The following TBC1D9B variants were observed in gnomAD, a reference collection of about 807,000 sequenced individuals.
TBC1D9B encodes the protein TBC1 domain family, member 9B (with GRAM domain).
A neutral mutation model predicts 121.1 loss-of-function variants in TBC1D9B; 87 were observed. The observed-to-expected ratio is 0.72, with a 90% CI of 0.60 to 0.86. The LOEUF is 0.86. Ranked by LOEUF, TBC1D9B falls within the 40% of genes least tolerant of loss-of-function variation. The probability of loss-of-function intolerance (pLI) is 0.00; values close to 1 mark genes in which losing one functional copy is unlikely to be tolerated. For missense variants in TBC1D9B, 1,540 were observed against 1,628.6 expected (o/e 0.95, Z 0.94); for synonymous variants, 668 against 670.1 (o/e 1.00, Z 0.05).
intron 17 of TBC1D9B, 98 bp from the exon 18 acceptor site, chr5:179,867,947 G>A: frequency 1.6e-6 from 2 of 1,228,118 alleles, no homozygotes; most frequent in Non-Finnish European, 2.2e-6. Flanking sequence ...TGCTTTCCCT[G>A]CCCACGAGCC....
chr5:179,865,124 C>A lies in TBC1D9B; in HGVS notation c.3021+130G>T. On this transcript the variant is annotated intron_variant, in intron 20 of 20. Coordinates refer to ENST00000355235, the MANE Select transcript of TBC1D9B (RefSeq NM_015043.4). The surrounding 1 kb of genome is among the most constrained non-coding windows in gnomAD (Gnocchi z 5.1). ...ATCGCTGACTGGCAACCAGGACTAA[C>A]GGGCTCTAGAGGCAGGGAGGAGCCT... 2.5e-6 allele frequency: 2 copies of A among 815,270 alleles called. No homozygotes were observed. The highest frequency in any genetic ancestry group is 4.0e-6 in the Non-Finnish European group (2 of 495,336). 50.5% of individuals were successfully genotyped at this position (815,270 alleles called of 1,614,324 possible).
At position 179,872,936 on chromosome 5, in the gene TBC1D9B, G is replaced by A. The variant is rs750014192; in HGVS notation, c.2371C>T (p.Leu791=). ...TCCTCCAAGGACTGGATCACTTTCA[G>A]CCTCTGTTTAAACCGCATCTGCTCA... ...DIEQMRFKQR[L]KVIQSLEDTA... is the part of the protein sequence containing the mutation. The change falls in exon 14 of 21, where the codon CTG becomes TTG. Residue 791 remains leucine, a synonymous_variant. Transcript: ENST00000355235. The A allele has an allele frequency of 6.2e-7, 1 of 1,608,224 alleles. No individual in the cohort carries two copies. The highest frequency in any genetic ancestry group is 8.5e-7 in the Non-Finnish European group (1 of 1,177,472).
chr5:179,870,737 C>T (rs1387142858), intron 15 of TBC1D9B: 5 of 556,160 alleles, frequency 9.0e-6, no homozygotes, highest in Non-Finnish European at 1.6e-5. Context: ...GGGGGCAGAG[C>T]TGGTCTGCTG....
At position 179,894,371 on chromosome 5, in the gene TBC1D9B, G is replaced by A. The variant is rs758332281; in HGVS notation, c.577+15C>T. The A allele has an allele frequency of 3.1e-6, 5 of 1,601,954 alleles. No homozygotes were observed. The African/African-American group carries it at 5.4e-5, about 17-fold the overall frequency. On this transcript the variant is annotated intron_variant, in intron 4 of 20. Transcript: ENST00000355235. Reference sequence around the variant, plus strand: ...GAGGGTGTGGGGGCTGGGGCACACTGAGGGGCGGGCTCACCTTCCTTCCCC... The same window carrying A: ...GAGGGTGTGGGGGCTGGGGCACACTAAGGGGCGGGCTCACCTTCCTTCCCC...
At position 179,863,889 on chromosome 5, in the gene TBC1D9B, T is replaced by C. The variant is rs144537272; in HGVS notation, c.3261A>G (p.Ala1087=). The C allele has an allele frequency of 1.1e-4, 170 of 1,613,222 alleles. No individual in the cohort carries two copies. The African/African-American group carries it at 2.0e-3, about 19-fold the overall frequency. Residue 1087 remains alanine, a synonymous_variant, in exon 21 of 21, where the codon GCA becomes GCG. Transcript: ENST00000355235. The surrounding 1 kb of genome is among the most constrained non-coding windows in gnomAD (Gnocchi z 4.5). ...DAARELQPPA[A]GDPQAKAGGD... ...CGCCTGCTTTGGCTTGGGGGTCTCC[T>C]GCAGCTGGGGGCTGAAGCTCCCTGG... is the stretch of plus-strand genomic sequence containing the variant.
rs762903510 is a variant in TBC1D9B, at chr5:179,875,911, G to A, written c.1900+9C>T. On this transcript the variant is annotated intron_variant, in intron 11 of 20. Coordinates refer to ENST00000355235, the MANE Select transcript of TBC1D9B (RefSeq NM_015043.4). This position sits in a 1 kb window ranked among gnomAD's most constrained non-coding sequence, Gnocchi z 4.5. ...AGACCCAGGCGAGGCAGCACCCGGG[G>A]ACACTCACCCACCACCCTGGTGTTG... 1.0e-5 allele frequency: 16 copies of A among 1,597,780 alleles called. No individual in the cohort carries two copies. The highest frequency in any genetic ancestry group is 1.1e-5 in the Non-Finnish European group (13 of 1,173,088).
At chr5:179,895,737 C>A (rs916662040) in intron 3 of TBC1D9B, among the ~76,000 whole-genome samples, 5 of 152,214 alleles carry the variant, frequency 3.3e-5, no homozygotes, top group African/African-American at 4.8e-5. Flanking sequence ...CTGGGCCACC[C>A]CCGATCCCTC....
In TBC1D9B at chr5:179,865,511, A is replaced by G. The variant is rs925757412; in HGVS notation, c.2915-151T>C. On this transcript the variant is annotated intron_variant, in intron 19 of 20. Transcript: ENST00000355235. This position sits in a 1 kb window ranked among gnomAD's most constrained non-coding sequence, Gnocchi z 5.1. ...GCGTTTGGGAAGGTGGTCATGGGAA[A>G]AAAACCCAGAACAGCCACAGGTTTT... The G allele has an allele frequency of 9.7e-6, 7 of 721,314 alleles. No homozygotes were observed. Among genetic ancestry groups the G allele is most frequent in the Admixed American group, 2.5e-5 (1 of 39,466 alleles). The allele number at this position is 721,314 out of a possible 1,614,324, so 44.7% of individuals were successfully genotyped here.
rs368172050 is a variant in TBC1D9B, at chr5:179,874,922, C to T, written c.2166G>A (p.Glu722=). ...EQLLGCSDEG[E]AMTMLGRYLD... ...GTCACCTGCCCAGCATGGTCATGGC[C>T]TCGCCCTCGTCGCTGCAGCCCAGCA... The change falls in exon 12 of 21, where the codon GAG becomes GAA. Residue 722 remains glutamate (E), a synonymous_variant. Transcript: ENST00000355235. This position sits in a 1 kb window ranked among gnomAD's most constrained non-coding sequence, Gnocchi z 4.3. 3 of 1,613,430 alleles carry T rather than the reference C, an allele frequency of 1.9e-6. No individual in the cohort carries two copies. The highest frequency in any genetic ancestry group is 2.5e-6 in the Non-Finnish European group (3 of 1,180,032).
rs1168582106 is a variant in TBC1D9B at position 179,893,356 on chromosome 5, A to G, written c.689T>C (p.Met230Thr). 1.9e-6 allele frequency: 3 copies of G among 1,614,164 alleles called. No homozygotes were observed. In the Admixed American group the frequency reaches 5.0e-5, roughly 27 times the overall value. The stretch of plus-strand genomic sequence containing the variant: ...GAAGGTCTCGCCGATGTTGAGGAAC[A>G]TGGAGAAGAAGAGCTCCTGGTCGCG... The part of the protein sequence containing the change: ...DTRDQELFFS[M>T]FLNIGETFKL... The change falls in exon 5 of 21, where the codon ATG (methionine) becomes ACG (threonine). Residue 230 changes from methionine (M) to threonine (T), a missense_variant. Coordinates refer to ENST00000355235, the MANE Select transcript of TBC1D9B (RefSeq NM_015043.4).
At chr5:179,900,752 GC>G (rs1687306887) in intron 2 of TBC1D9B, among the ~76,000 whole-genome samples, 1 of 152,210 alleles carries the variant, frequency 6.6e-6, no homozygotes, top group Non-Finnish European at 1.5e-5. Flanking sequence ...CCTGAAAGAA[GC>G]TGCTCGCATG....
At position 179,865,698 on chromosome 5, in the gene TBC1D9B, AG is replaced by A; in HGVS notation, c.2914+139del. On this transcript the variant is annotated intron_variant, in intron 19 of 20. Coordinates refer to ENST00000355235, the MANE Select transcript of TBC1D9B (RefSeq NM_015043.4). The surrounding 1 kb of genome is among the most constrained non-coding windows in gnomAD (Gnocchi z 5.1). ...AGCGTGGAGCCTCCTGTGCATCCCGAGGCCTGCTCCCTGATCGGGGGACGCA... is the reference window on the plus strand; with the variant it reads ...AGCGTGGAGCCTCCTGTGCATCCCGAGCCTGCTCCCTGATCGGGGGACGCA... 1 of 977,618 alleles carries A rather than the reference AG, an allele frequency of 1.0e-6. No homozygotes were observed. Among genetic ancestry groups the A allele is most frequent in the Non-Finnish European group, 1.5e-6 (1 of 651,186 alleles). The allele number at this position is 977,618 out of a possible 1,614,324, so 60.6% of individuals were successfully genotyped here. A position where few individuals can be genotyped will look rare whatever the true frequency, so the allele number is the denominator to read the frequency against.
At chr5:179,876,107 C>T (rs1475743950) in intron 10 of TBC1D9B, 70 bp from the exon 11 acceptor site, 6 of 1,268,656 alleles carry the variant, frequency 4.7e-6, no homozygotes, top group Non-Finnish European at 6.6e-6. Context: ...CTCTCCCCAC[C>T]CCTCCCAGCC....
intron 9 of TBC1D9B, 22 bp from the exon 10 acceptor site, chr5:179,878,545 C>G: frequency 6.4e-7 from 1 of 1,572,252 alleles, no homozygotes. Context: ...CGGGTGCCAG[C>G]TGTCTCTGTC....
intron 3 of TBC1D9B, among the ~76,000 whole-genome samples, chr5:179,897,162 C>A (rs1192536414): frequency 6.6e-6 from 1 of 152,136 alleles, no homozygotes; most frequent in African/African-American, 2.4e-5. Context: ...CCGCCTCGGC[C>A]TCCAAAAGTG....
Position 179,864,184 on chromosome 5 carries a change from G to A in TBC1D9B, c.3022-56C>T, listed in dbSNP as rs533624621. ...GATGGTAAAAGACCAGTCAGACGGG[G>A]TCCATATTAGCCAAACTGATGACAA... On this transcript the variant is annotated intron_variant, in intron 20 of 20. Transcript: ENST00000355235. The A allele has an allele frequency of 7.4e-6, 11 of 1,491,694 alleles. No individual in the cohort carries two copies. The Admixed American group carries it at 2.0e-4, about 27-fold the overall frequency. 92.4% of individuals were successfully genotyped at this position (1,491,694 alleles called of 1,614,324 possible). A position where few individuals can be genotyped will look rare whatever the true frequency, so the allele number is the denominator to read the frequency against.
In TBC1D9B at chr5:179,889,636, C is replaced by T. The variant is rs970515291; in HGVS notation, c.1045-1324G>A. Among the ~76,000 whole-genome samples, 18 of 151,936 alleles carry T rather than the reference C, an allele frequency of 1.2e-4. No homozygotes were observed. The East Asian group carries it at 2.3e-3, about 20-fold the overall frequency. On this transcript the variant is annotated intron_variant, in intron 6 of 20. Transcript: ENST00000355235. ...AGGCCTGTAATCCCAGCACTTTGGACGGCTGAGGGAGGATCACTTGAATCC... is the reference window on the plus strand; with the variant it reads ...AGGCCTGTAATCCCAGCACTTTGGATGGCTGAGGGAGGATCACTTGAATCC...
At chr5:179,895,615 C>A (rs1760997275) in intron 3 of TBC1D9B, among the ~76,000 whole-genome samples, 1 of 152,232 alleles carries the variant, frequency 6.6e-6, no homozygotes, top group Non-Finnish European at 1.5e-5. Flanking sequence ...CAGCCCCAAG[C>A]CTCCTGGGGT....
chr5:179,867,305 T>G, intron 18 of TBC1D9B: 1 of 976,182 alleles, frequency 1.0e-6, no homozygotes, highest in Non-Finnish European at 1.5e-6. Flanking sequence ...AGTGGCTTGC[T>G]TCTGGGTCCT....
Sources: allele counts gnomAD v4.1 joint callset (sites outside exome capture counted in the v4.1 genomes callset), GRCh38; gene constraint gnomAD v4.1.1; non-coding constraint Gnocchi (gnomAD v3.1); transcripts MANE v1.5; gene names NCBI Gene and HGNC (gene_info 2026-07-23, HGNC 2026-07-21).